The following USH1C variants were observed in gnomAD, a reference collection of about 807,000 sequenced individuals.
USH1C encodes the protein harmonin.
USH1C carries 90 observed loss-of-function variants against 119.3 expected under a neutral mutation model. That is an observed-to-expected ratio of 0.75 (90% CI 0.64 to 0.90). The LOEUF is 0.90. USH1C is among the 40% of genes least tolerant of loss of function. The pLI is 0.00. For missense variants in USH1C, 1,165 were observed against 1,167.7 expected (o/e 1.00, Z 0.03); for synonymous variants, 465 against 443.3 (o/e 1.05, Z -0.62).
At position 17,511,587 on chromosome 11, in the gene USH1C, A is replaced by G. The variant is rs1849893278; in HGVS notation, c.1413+315T>C. On this transcript the variant is annotated intron_variant, in intron 16 of 26. Coordinates refer to ENST00000005226, the MANE Select transcript of USH1C (RefSeq NM_153676.4). The stretch of plus-strand genomic sequence containing the variant: ...TGTATCAAAGGCTAACCTGAGACCT[A>G]CCATCTGGTCAGAAAGGCTAACCTC... Among the ~76,000 whole-genome samples the G allele has an allele frequency of 2.0e-5, 3 of 152,326 alleles. No individual in the cohort carries two copies. The South Asian group carries it at 6.2e-4, about 32-fold the overall frequency.
Position 17,533,275 on chromosome 11 carries a change from A to T in USH1C, c.84T>A (p.Asp28Glu). The change falls in exon 2 of 27, where the codon GAT becomes GAA. Residue 28 changes from aspartate (D) to glutamate (E), a missense_variant. Physicochemically the swap from Asp to Glu is conservative, Grantham distance 45 (BLOSUM62 2). Coordinates refer to ENST00000005226, the MANE Select transcript of USH1C (RefSeq NM_153676.4). ...ENDAEKDYLYDVLRMYHQTMD... is the reference protein window; with the variant it reads ...ENDAEKDYLYEVLRMYHQTMD... ...CTTACTGGTGGTACATTCGCAGCAC[A>T]TCATAGAGATAGTCCTTCTCTGCAT... 1 of 1,614,024 alleles carries T rather than the reference A, an allele frequency of 6.2e-7. No individual in the cohort carries two copies. The highest frequency in any genetic ancestry group is 8.5e-7 in the Non-Finnish European group (1 of 1,179,976).
At chr11:17,505,182 C>T (rs569750098) in intron 19 of USH1C, among the ~76,000 whole-genome samples, 1 of 152,326 alleles carries the variant, frequency 6.6e-6, no homozygotes, top group East Asian at 1.9e-4. Flanking sequence ...TCTCACTTCC[C>T]CAGGACCACA....
chr11:17,504,841 T>C, intron 19 of USH1C, 144 bp from the exon 20 acceptor site: 2 of 762,032 alleles, frequency 2.6e-6, no homozygotes, highest in South Asian at 3.1e-5. Context: ...GTTAAAGGCC[T>C]GCTCAATGCC....
rs1849167922 is a variant in USH1C at position 17,494,365 on chromosome 11, C to T, written c.2667G>A (p.Leu889=). The part of the protein sequence containing the change: ...LLQLEPTDLL[L]KSKRGNQIHR ...GAATTTGGTTTCCCCTTTTGGACTTCAGAAGAAGGTCCTGCAGGGAAGTGG... is the reference window on the plus strand; with the variant it reads ...GAATTTGGTTTCCCCTTTTGGACTTTAGAAGAAGGTCCTGCAGGGAAGTGG... Residue 889 remains leucine, a synonymous_variant, in exon 27 of 27, where the codon CTG becomes CTA. Coordinates refer to ENST00000005226, the MANE Select transcript of USH1C (RefSeq NM_153676.4). The T allele has an allele frequency of 2.5e-6, 4 of 1,602,846 alleles. No individual in the cohort carries two copies. Among genetic ancestry groups the T allele is most frequent in the African/African-American group, 1.3e-5 (1 of 74,688 alleles).
chr11:17,531,521 G>A lies in USH1C; in HGVS notation c.126C>T (p.Leu42=), dbSNP rs750823343. ...TGATGACCAGCTTCAGGTCTCCCAC[G>A]AGCACGGCCACGTCCATGGTCCTGT... The part of the protein sequence containing the change: ...MYHQTMDVAV[L]VGDLKLVINE... Residue 42 remains leucine (L), a synonymous_variant, in exon 3 of 27, where the codon CTC becomes CTT. Coordinates refer to ENST00000005226, the MANE Select transcript of USH1C (RefSeq NM_153676.4). The surrounding 1 kb of genome is among the most constrained non-coding windows in gnomAD (Gnocchi z 4.2). 9.9e-6 allele frequency: 16 copies of A among 1,613,442 alleles called. No homozygotes were observed. The highest frequency in any genetic ancestry group is 3.3e-5 in the Admixed American group (2 of 60,000).
intron 23 of USH1C, 33 bp from the exon 24 acceptor site, chr11:17,498,304 G>A: frequency 2.5e-6 from 4 of 1,600,284 alleles, no homozygotes; most frequent in Non-Finnish European, 3.4e-6. Context: ...GGCCAACTGG[G>A]CTGTATGTGA....
chr11:17,502,377 T>C (rs1166308682), intron 20 of USH1C, among the ~76,000 whole-genome samples: 1 of 152,178 alleles, frequency 6.6e-6, no homozygotes, highest in East Asian at 1.9e-4. Context: ...GCCCAGGCCC[T>C]GGGGGATGAA....
Position 17,509,389 on chromosome 11 carries a change from AG to A in USH1C, c.1979del (p.Pro660LeufsTer47). 1 of 1,594,718 alleles carries A rather than the reference AG, an allele frequency of 6.3e-7. No individual in the cohort carries two copies. The highest frequency in any genetic ancestry group is 8.6e-7 in the Non-Finnish European group (1 of 1,167,428). On this transcript the variant is annotated frameshift_variant, in exon 18 of 27. Transcript: ENST00000005226. LOFTEE classifies it high-confidence loss of function. Reference sequence around the variant, plus strand: ...TGGGTGGGAAGCTCTGTTCAGGGACAGGGGAGTTAGTGGGCTTCCCACTGTG... The same window carrying A: ...TGGGTGGGAAGCTCTGTTCAGGGACAGGGAGTTAGTGGGCTTCCCACTGTG... ...KNHSGKPTNS[P>X]VPEQSFPPTP...
chr11:17,503,031 T>C (rs1358548582), intron 20 of USH1C, among the ~76,000 whole-genome samples: 1 of 152,032 alleles, frequency 6.6e-6, no homozygotes, highest in Admixed American at 6.5e-5. Context: ...ACCAACTAGG[T>C]TCCGGGCACA....
chr11:17,518,208 A>AAT (rs1850244774), intron 14 of USH1C, among the ~76,000 whole-genome samples: 1 of 152,246 alleles, frequency 6.6e-6, no homozygotes, highest in Admixed American at 6.5e-5. Flanking sequence ...GGCTCAAATT[A>AAT]CATTTACCCA....
chr11:17,520,796 T>C, intron 14 of USH1C, 74 bp downstream of exon 14: 1 of 1,558,078 alleles, frequency 6.4e-7, no homozygotes, highest in Non-Finnish European at 8.8e-7. Context: ...ATCTAGGAGG[T>C]GGTGGTGAGG....
chr11:17,505,527 T>TAA (rs1849615556), intron 19 of USH1C, among the ~76,000 whole-genome samples: 1 of 152,340 alleles, frequency 6.6e-6, no homozygotes, highest in East Asian at 1.9e-4. Flanking sequence ...CTGTGAAGAT[T>TAA]AATTGAGGCC....
At position 17,501,516 on chromosome 11, in the gene USH1C, A is replaced by G. The variant is rs370437884; in HGVS notation, c.2246T>C (p.Met749Thr). 82 of 1,612,970 alleles carry G rather than the reference A, an allele frequency of 5.1e-5. No individual in the cohort carries two copies. The highest frequency in any genetic ancestry group is 6.6e-5 in the Non-Finnish European group (78 of 1,179,620). The stretch of plus-strand genomic sequence containing the variant: ...GCGTAGGAGCCGGACATCCTTCCCC[A>G]TGATCTGCTCTGGGGTGAACTAGAG... Reference protein sequence around the residue: ...PYSMFTPEQIMGKDVRLLRIK... With the variant: ...PYSMFTPEQITGKDVRLLRIK... The change falls in exon 22 of 27, where the codon ATG becomes ACG. Residue 749 changes from methionine to threonine, a missense_variant. Coordinates refer to ENST00000005226, the MANE Select transcript of USH1C (RefSeq NM_153676.4).
chr11:17,540,390 TCTC>T lies in USH1C; in HGVS notation c.36+3879_36+3881del, dbSNP rs575937079. 3.3e-3 allele frequency among the ~76,000 whole-genome samples: 496 copies of T among 152,114 alleles called. 1 individual carries two copies. Among genetic ancestry groups the T allele is most frequent in the African/African-American group, 0.012 (479 of 41,482 alleles). Reference sequence around the variant, plus strand: ...CTTTCCTTCCTCGCTTGCTGCTCCTTCTCCTCCAAAAGTTGAGGTACCCCGGGC... The same window carrying T: ...CTTTCCTTCCTCGCTTGCTGCTCCTTCTCCAAAAGTTGAGGTACCCCGGGC... On this transcript the variant is annotated intron_variant, in intron 1 of 26. Coordinates refer to ENST00000005226, the MANE Select transcript of USH1C (RefSeq NM_153676.4).
At chr11:17,535,340 T>C (rs1851192332) in intron 1 of USH1C, among the ~76,000 whole-genome samples, 1 of 151,934 alleles carries the variant, frequency 6.6e-6, no homozygotes, top group Non-Finnish European at 1.5e-5. Flanking sequence ...TTGTTCCCTC[T>C]GCTTGGACTG....
chr11:17,510,001 C>G (rs1033239237), intron 17 of USH1C, among the ~76,000 whole-genome samples, 163 bp from the exon 18 acceptor site: 1 of 152,160 alleles, frequency 6.6e-6, no homozygotes, highest in Non-Finnish European at 1.5e-5. Context: ...CCTGGATGCC[C>G]AGCTGAGGCC....
chr11:17,527,064 T>C (rs1305255161), intron 5 of USH1C, 24 bp from the exon 6 acceptor site: 1 of 1,514,358 alleles, frequency 6.6e-7, no homozygotes, highest in Non-Finnish European at 8.9e-7. Flanking sequence ...GCACAGGGGT[T>C]AGGACAGCTC....
intron 17 of USH1C, 63 bp from the exon 18 acceptor site, chr11:17,509,901 A>G (rs1402544360): frequency 1.3e-6 from 2 of 1,537,896 alleles, no homozygotes; most frequent in African/African-American, 2.7e-5. Context: ...TTCACAATAC[A>G]GCGAGCACTA....
chr11:17,542,214 C>T (rs932175433), intron 1 of USH1C, among the ~76,000 whole-genome samples: 4 of 152,212 alleles, frequency 2.6e-5, no homozygotes, highest in African/African-American at 7.2e-5. Flanking sequence ...ATATTACTTC[C>T]AACAACTAAG....
Sources: gnomAD v4.1 joint callset for allele counts (sites outside exome capture counted in the v4.1 genomes callset) on GRCh38, gnomAD v4.1.1 for gene constraint, Gnocchi (gnomAD v3.1) non-coding constraint, MANE v1.5 for transcripts, NCBI Gene and HGNC (gene_info 2026-07-23, HGNC 2026-07-21) for gene names.